Variants in PPP2R2B observed in about 807,000 individuals in gnomAD.
PPP2R2B encodes the protein serine/threonine-protein phosphatase 2A 55 kDa regulatory subunit B beta isoform.
Under a neutral mutation model 46.0 loss-of-function variants are expected in PPP2R2B, and 5 were observed. That is an observed-to-expected ratio of 0.11 (90% CI 0.06 to 0.23). PPP2R2B has a LOEUF of 0.23. PPP2R2B is among the 10% of genes least tolerant of loss of function. The pLI, the probability that PPP2R2B is intolerant of heterozygous loss-of-function variation, is 1.00. For synonymous variants in PPP2R2B, 215 were observed against 206.7 expected (o/e 1.04, Z -0.34); for missense variants, 367 against 575.0 (o/e 0.64, Z 3.70).
intron 7 of PPP2R2B, among the ~76,000 whole-genome samples, chr5:146,604,378 G>T (rs1772065380): frequency 1.3e-5 from 2 of 152,174 alleles, no homozygotes; most frequent in Admixed American, 6.5e-5. Context: ...CCTTTCTCCT[G>T]GAGACCCTTG....
chr5:146,748,085 A>G (rs1753303187), intron 2 of PPP2R2B, among the ~76,000 whole-genome samples: 1 of 152,174 alleles, frequency 6.6e-6, no homozygotes, highest in South Asian at 2.1e-4. Context: ...TAAGCATTGT[A>G]ACTGCATGAC....
intron 5 of PPP2R2B, among the ~76,000 whole-genome samples, chr5:146,655,334 G>A (rs1776251902): frequency 6.6e-6 from 1 of 152,156 alleles, no homozygotes; most frequent in African/African-American, 2.4e-5. Context: ...TTCCTGGGAA[G>A]CTCTTCCCCC....
At chr5:146,605,114 T>C (rs1418963524) in intron 7 of PPP2R2B, among the ~76,000 whole-genome samples, 2 of 152,184 alleles carry the variant, frequency 1.3e-5, no homozygotes, top group African/African-American at 4.8e-5. Context: ...ATTAACTCAC[T>C]CACTATTCAT....
intron 2 of PPP2R2B, among the ~76,000 whole-genome samples, chr5:146,848,085 T>C (rs918381176): frequency 1.3e-5 from 2 of 152,220 alleles, no homozygotes; most frequent in Non-Finnish European, 2.9e-5. Flanking sequence ...TGCGTTACAG[T>C]CGCCTACCAA....
chr5:147,073,954 T>G (rs1046942067), intron 2 of PPP2R2B, among the ~76,000 whole-genome samples: 11 of 151,622 alleles, frequency 7.3e-5, no homozygotes, highest in African/African-American at 2.7e-4. Context: ...GAGAACTGCT[T>G]GAACCTGGGA....
chr5:147,048,725 C>T (rs751436166), intron 1 of PPP2R2B, among the ~76,000 whole-genome samples: 3 of 152,062 alleles, frequency 2.0e-5, no homozygotes, highest in Non-Finnish European at 2.9e-5. Context: ...CAGGTAATTA[C>T]GAGTGCTGAG....
chr5:146,823,490 C>A (rs1758396145), intron 2 of PPP2R2B, among the ~76,000 whole-genome samples: 1 of 152,104 alleles, frequency 6.6e-6, no homozygotes, highest in African/African-American at 2.4e-5. Flanking sequence ...AGCCACTGCA[C>A]CTGGCCCAGA....
intron 1 of PPP2R2B, among the ~76,000 whole-genome samples, chr5:147,032,199 A>C (rs535861415): frequency 6.6e-6 from 1 of 152,342 alleles, no homozygotes; most frequent in Non-Finnish European, 1.5e-5. Context: ...CAAATCAGTA[A>C]GAAAAAAACA....
intron 5 of PPP2R2B, among the ~76,000 whole-genome samples, chr5:146,657,451 C>T (rs1225325458): frequency 5.3e-5 from 8 of 152,104 alleles, no homozygotes; most frequent in Admixed American, 3.9e-4. Flanking sequence ...AACTCTAGGT[C>T]AAATCTCATT....
At chr5:147,049,459 A>T (rs1488084377) in intron 1 of PPP2R2B, among the ~76,000 whole-genome samples, 4 of 152,074 alleles carry the variant, frequency 2.6e-5, no homozygotes, top group Admixed American at 1.3e-4. Flanking sequence ...AGGAAGTTGG[A>T]TGTACAAGTC....
intron 5 of PPP2R2B, among the ~76,000 whole-genome samples, chr5:146,666,211 T>C (rs1776972510): frequency 1.3e-5 from 2 of 152,194 alleles, no homozygotes; most frequent in South Asian, 4.1e-4. Flanking sequence ...ATATGTCTAG[T>C]GTGATCTCAG....
At chr5:146,650,071 G>A (rs1472953109) in intron 6 of PPP2R2B, among the ~76,000 whole-genome samples, 1 of 151,944 alleles carries the variant, frequency 6.6e-6, no homozygotes, top group Non-Finnish European at 1.5e-5. Flanking sequence ...ACTTCAATGA[G>A]GTAAAAAATG....
chr5:146,892,675 G>A (rs528153003), intron 1 of PPP2R2B, among the ~76,000 whole-genome samples: 15 of 152,068 alleles, frequency 9.9e-5, no homozygotes, highest in Non-Finnish European at 1.9e-4. Context: ...CACAGAATCA[G>A]TGTCTTTTGA....
chr5:146,714,149 G>T (rs1169383955), intron 2 of PPP2R2B, among the ~76,000 whole-genome samples: 1 of 152,100 alleles, frequency 6.6e-6, no homozygotes, highest in Non-Finnish European at 1.5e-5. Flanking sequence ...GAAAATCAAA[G>T]AAACGTAATG....
At chr5:146,791,534 A>G (rs2151294846) in intron 2 of PPP2R2B, among the ~76,000 whole-genome samples, 1 of 152,084 alleles carries the variant, frequency 6.6e-6, no homozygotes, top group Non-Finnish European at 1.5e-5. Context: ...GACCAATGAG[A>G]GTTAGGTCCA....
Position 147,054,510 on chromosome 5 carries a change from T to C in PPP2R2B, c.79+1155A>G, listed in dbSNP as rs868375526. The C allele has an allele frequency of 3.6e-5, 15 of 421,082 alleles. 1 individual carries two copies. The Middle Eastern group carries it at 1.7e-3, about 49-fold the overall frequency. The allele number at this position is 421,082 out of a possible 1,614,324, so 26.1% of individuals were successfully genotyped here. ...AAAAAAAAAGTCCATGAGATATCAA[T>C]GTCTATGAAAAATACCACCCTCAGT... On this transcript the variant is annotated intron_variant, in intron 1 of 8. Transcript: ENST00000336640.
chr5:146,649,326 A>G (rs1404108713), intron 6 of PPP2R2B, among the ~76,000 whole-genome samples: 1 of 152,188 alleles, frequency 6.6e-6, no homozygotes, highest in Non-Finnish European at 1.5e-5. Flanking sequence ...AATGGAGCAC[A>G]TGATAGGTAT....
chr5:146,742,996 G>A (rs918197848), intron 2 of PPP2R2B, among the ~76,000 whole-genome samples: 13 of 152,160 alleles, frequency 8.5e-5, no homozygotes, highest in African/African-American at 2.9e-4. Flanking sequence ...TTAGAAGGAA[G>A]TAACTTTGCC....
At chr5:146,747,562 A>T (rs1292120177) in intron 2 of PPP2R2B, among the ~76,000 whole-genome samples, 1 of 152,190 alleles carries the variant, frequency 6.6e-6, no homozygotes, top group Admixed American at 6.6e-5. Flanking sequence ...CTTAATTACA[A>T]AGTATTTTTG....
Sources: gnomAD v4.1 joint callset for allele counts (sites outside exome capture counted in the v4.1 genomes callset) on GRCh38, gnomAD v4.1.1 for gene constraint, MANE v1.5 for transcripts, NCBI Gene and HGNC (gene_info 2026-07-23, HGNC 2026-07-21) for gene names.